The following CDH13 variants were observed in gnomAD, a reference collection of about 807,000 sequenced individuals.
CDH13 encodes cadherin 13.
Under a neutral mutation model 63.8 loss-of-function variants are expected in CDH13, and 24 were observed. The observed-to-expected ratio is 0.38, with a 90% CI of 0.27 to 0.53. CDH13 has a LOEUF of 0.53. Among genes scored for constraint, CDH13 ranks in the 20% least tolerant of loss-of-function variants. The probability of loss-of-function intolerance (pLI) is 0.85; values close to 1 mark genes in which losing one functional copy is unlikely to be tolerated. For synonymous variants in CDH13, 503 were observed against 355.3 expected, an observed-to-expected ratio of 1.42 and a Z score of -4.67; for missense variants, 1,049 against 903.1, an observed-to-expected ratio of 1.16 and a Z score of -2.07.
chr16:82,758,569 C>T (rs886864145), intron 1 of CDH13, among the ~76,000 whole-genome samples: 5 of 152,244 alleles, frequency 3.3e-5, no homozygotes, highest in Admixed American at 2.0e-4. Context: ...GATGGGTGCT[C>T]TTAGGTCACA....
intron 3 of CDH13, among the ~76,000 whole-genome samples, chr16:83,057,658 A>G (rs939650874): frequency 3.3e-5 from 5 of 151,398 alleles, no homozygotes; most frequent in Non-Finnish European, 7.4e-5. Context: ...AAAACCATCT[A>G]TAAACCAGTT....
chr16:83,316,699 C>T (rs775394610), intron 5 of CDH13, among the ~76,000 whole-genome samples: 9 of 152,164 alleles, frequency 5.9e-5, no homozygotes, highest in African/African-American at 1.9e-4. Context: ...ATACCAGCTG[C>T]GAGTGCCCAC....
intron 2 of CDH13, among the ~76,000 whole-genome samples, chr16:82,975,050 G>A (rs776300326): frequency 2.6e-5 from 4 of 152,102 alleles, no homozygotes; most frequent in Admixed American, 6.5e-5. Context: ...GCACACCCTC[G>A]GCATCACTTG....
At chr16:83,790,855 AAG>A (rs1281657880) in intron 13 of CDH13, among the ~76,000 whole-genome samples, 1 of 152,376 alleles carries the variant, frequency 6.6e-6, no homozygotes, top group Non-Finnish European at 1.5e-5. Context: ...GTCTCAAAAA[AAG>A]AACTTGTCGG....
At chr16:82,677,639 C>T (rs1478388893) in intron 1 of CDH13, among the ~76,000 whole-genome samples, 1 of 152,106 alleles carries the variant, frequency 6.6e-6, no homozygotes, top group South Asian at 2.1e-4. Flanking sequence ...GTATCAGAGG[C>T]AGGACTCTGA....
At chr16:82,797,268 T>C (rs1261648640) in intron 1 of CDH13, among the ~76,000 whole-genome samples, 2 of 152,322 alleles carry the variant, frequency 1.3e-5, no homozygotes, top group Admixed American at 6.5e-5. Context: ...ACCCAGCTCT[T>C]GGAGCCTCAT....
At chr16:82,965,982 C>T (rs1195315776) in intron 2 of CDH13, among the ~76,000 whole-genome samples, 1 of 152,102 alleles carries the variant, frequency 6.6e-6, no homozygotes, top group East Asian at 1.9e-4. Context: ...TGAAAATATC[C>T]CTGTCAGCCA....
At chr16:83,582,991 G>A (rs535731704) in intron 7 of CDH13, among the ~76,000 whole-genome samples, 28 of 152,240 alleles carry the variant, frequency 1.8e-4, no homozygotes, top group African/African-American at 6.5e-4. Flanking sequence ...TCAGTTTATT[G>A]ACAATCCTAG....
intron 10 of CDH13, among the ~76,000 whole-genome samples, chr16:83,682,317 C>G (rs568498906): frequency 6.6e-6 from 1 of 152,116 alleles, no homozygotes; most frequent in East Asian, 1.9e-4. Flanking sequence ...TGGGAAGAGG[C>G]GTTACTAGGA....
intron 6 of CDH13, among the ~76,000 whole-genome samples, chr16:83,465,269 G>A (rs2073279890): frequency 6.6e-6 from 1 of 152,236 alleles, no homozygotes; most frequent in Admixed American, 6.5e-5. Flanking sequence ...GAGCGAATGG[G>A]CTAGACAGCT....
At chr16:83,236,460 A>G (rs2040147113) in intron 5 of CDH13, among the ~76,000 whole-genome samples, 1 of 152,224 alleles carries the variant, frequency 6.6e-6, no homozygotes, top group South Asian at 2.1e-4. Context: ...CTTAACCATT[A>G]TAGAAGTTAC....
chr16:83,518,688 G>T (rs1250009116), intron 7 of CDH13, among the ~76,000 whole-genome samples: 3 of 150,490 alleles, frequency 2.0e-5, no homozygotes, highest in East Asian at 2.0e-4. Flanking sequence ...AGCCAGGATG[G>T]TCTCGATCTC....
In CDH13 at chr16:83,292,143, T is replaced by C. The variant is rs116245740; in HGVS notation, c.637-52719T>C. ...ATAAGATCAATGCAGTTAGTTTCTG[T>C]TCAGACTTTAACAACTTGGTATCTG... On this transcript the variant is annotated intron_variant, in intron 5 of 13. Coordinates refer to ENST00000567109, the MANE Select transcript of CDH13 (RefSeq NM_001257.5). Among the ~76,000 whole-genome samples the C allele has an allele frequency of 4.4e-3, 673 of 152,296 alleles. 5 individuals carry two copies. Among genetic ancestry groups the C allele is most frequent in the African/African-American group, 0.015 (640 of 41,556 alleles).
At chr16:83,070,523 C>T (rs185305617) in intron 3 of CDH13, among the ~76,000 whole-genome samples, 35 of 151,914 alleles carry the variant, frequency 2.3e-4, no homozygotes, top group African/African-American at 8.0e-4. Context: ...TTTTAATAGC[C>T]TTGGTGCAGT....
intron 2 of CDH13, among the ~76,000 whole-genome samples, chr16:82,944,790 G>C (rs964829871): frequency 6.6e-5 from 10 of 152,080 alleles, no homozygotes; most frequent in African/African-American, 2.4e-4. Flanking sequence ...GAGAGAGAGA[G>C]AGACAGACAG....
At chr16:83,372,536 G>T (rs552522172) in intron 6 of CDH13, among the ~76,000 whole-genome samples, 3 of 151,960 alleles carry the variant, frequency 2.0e-5, no homozygotes, top group Admixed American at 2.0e-4. Context: ...GGTGGACCAC[G>T]AGGTCAAGAG....
At chr16:83,355,721 A>G (rs765112608) in intron 6 of CDH13, among the ~76,000 whole-genome samples, 23 of 152,190 alleles carry the variant, frequency 1.5e-4, no homozygotes, top group Admixed American at 7.2e-4. Context: ...CTGACTCTGT[A>G]GAGCTTGCAG....
chr16:83,788,061 A>G (rs1916004602), intron 13 of CDH13, among the ~76,000 whole-genome samples: 1 of 152,250 alleles, frequency 6.6e-6, no homozygotes, highest in Non-Finnish European at 1.5e-5. Flanking sequence ...GTGGGAATGC[A>G]TATACACACG....
At chr16:82,705,086 C>G in intron 1 of CDH13, 1 of 455,536 alleles carries the variant, frequency 2.2e-6, no homozygotes, top group South Asian at 1.6e-5. Flanking sequence ...TACCATATAC[C>G]TATGTCAAAA....
Sources: gnomAD v4.1 joint callset for allele counts (sites outside exome capture counted in the v4.1 genomes callset) on GRCh38, gnomAD v4.1.1 for gene constraint, MANE v1.5 for transcripts, NCBI Gene and HGNC (gene_info 2026-07-23, HGNC 2026-07-21) for gene names.